The following FBXL13 variants were observed in gnomAD, a reference collection of about 807,000 sequenced individuals.
The protein encoded by FBXL13 is F-box and leucine-rich repeat protein 13.
In FBXL13, 67 loss-of-function variants were observed where a neutral mutation model predicts 83.6. The observed-to-expected ratio is 0.80, with a 90% CI of 0.66 to 0.98. FBXL13 has a LOEUF of 0.98. Ranked by LOEUF, FBXL13 falls within the 50% of genes least tolerant of loss-of-function variation. The pLI, the probability that FBXL13 is intolerant of heterozygous loss-of-function variation, is 0.00. For missense variants in FBXL13, 822 were observed against 866.5 expected (o/e 0.95, Z 0.64); for synonymous variants, 272 against 299.5 (o/e 0.91, Z 0.95).
intron 17 of FBXL13, among the ~76,000 whole-genome samples, chr7:102,836,290 T>TGGTCTAAGGCTAAAAA (rs1801965096): frequency 6.6e-6 from 1 of 152,248 alleles, no homozygotes; most frequent in African/African-American, 2.4e-5. Flanking sequence ...TCTAAGGCTT[T>TGGTCTAAGGCTAAAAA]ATGCTAAATC....
chr7:102,934,662 A>T, intron 8 of FBXL13: 1 of 1,598,162 alleles, frequency 6.3e-7, no homozygotes, highest in Middle Eastern at 1.7e-4. Context: ...TTTCCCATAC[A>T]AACACTGGAC....
chr7:102,826,294 G>T (rs1541519), intron 18 of FBXL13, among the ~76,000 whole-genome samples: 69,593 of 151,880 alleles, frequency 0.46, 17,836 homozygotes, highest in African/African-American at 0.7. Context: ...TTAATAACAG[G>T]TGGTTTCATG....
chr7:102,856,556 A>G (rs865969205), intron 16 of FBXL13, among the ~76,000 whole-genome samples: 1 of 152,198 alleles, frequency 6.6e-6, no homozygotes, highest in Non-Finnish European at 1.5e-5. Context: ...TATGCTTACT[A>G]CTTTATTCAA....
intron 10 of FBXL13, among the ~76,000 whole-genome samples, chr7:102,919,090 T>A (rs142115969): frequency 3.2e-4 from 48 of 152,328 alleles, no homozygotes; most frequent in African/African-American, 1.1e-3. Flanking sequence ...GAGTTGATTG[T>A]TAGCATCTCT....
At chr7:102,963,260 A>T (rs1436978927) in intron 8 of FBXL13, among the ~76,000 whole-genome samples, 1 of 151,568 alleles carries the variant, frequency 6.6e-6, no homozygotes, top group Non-Finnish European at 1.5e-5. Context: ...GCCGGAGGTT[A>T]CAGTGAGCCA....
At chr7:103,062,813 A>G (rs1392128518) in intron 1 of FBXL13, among the ~76,000 whole-genome samples, 1 of 152,248 alleles carries the variant, frequency 6.6e-6, no homozygotes, top group East Asian at 1.9e-4. Flanking sequence ...AAATGCTCAG[A>G]GAGCTCAGGA....
rs1343295656 is a variant in FBXL13 at position 102,831,969 on chromosome 7, AG to A, written c.1854+870del. On this transcript the variant is annotated intron_variant, in intron 18 of 19. Transcript: ENST00000313221. Reference sequence around the variant, plus strand: ...ATATGTCCATAGTATATTAAAAAGTAGGTTACAATGTATTTTGGAAAGTATG... The same window carrying A: ...ATATGTCCATAGTATATTAAAAAGTAGTTACAATGTATTTTGGAAAGTATG... 5.9e-5 allele frequency among the ~76,000 whole-genome samples: 9 copies of A among 152,346 alleles called. No homozygotes were observed. The East Asian group carries it at 1.3e-3, about 23-fold the overall frequency.
At chr7:102,821,962 T>TA (rs1798859923) in intron 19 of FBXL13, 78 bp downstream of exon 20, 1 of 1,445,328 alleles carries the variant, frequency 6.9e-7, no homozygotes, top group East Asian at 2.3e-5. Flanking sequence ...TGCTATGTAT[T>TA]ATGAACCTTA....
At chr7:102,820,591 G>A (rs1798665217) in intron 19 of FBXL13, among the ~76,000 whole-genome samples, 1 of 152,204 alleles carries the variant, frequency 6.6e-6, no homozygotes, top group South Asian at 2.1e-4. Context: ...ATACTTCAGT[G>A]TCCCATATGT....
intron 6 of FBXL13, among the ~76,000 whole-genome samples, chr7:103,015,465 T>C (rs1792178585): frequency 6.6e-6 from 1 of 152,196 alleles, no homozygotes; most frequent in East Asian, 1.9e-4. Flanking sequence ...AAAAGTTCTT[T>C]GATCTGACAA....
intron 6 of FBXL13, among the ~76,000 whole-genome samples, chr7:103,004,837 G>T (rs932804667): frequency 7.9e-5 from 12 of 152,176 alleles, no homozygotes; most frequent in African/African-American, 2.9e-4. Context: ...TAATCCTGGT[G>T]CTCATTTTCA....
intron 11 of FBXL13, among the ~76,000 whole-genome samples, chr7:102,890,018 GCT>G (rs1203541446): frequency 6.6e-6 from 1 of 151,554 alleles, no homozygotes; most frequent in East Asian, 1.9e-4. Context: ...GGGGGGTAGG[GCT>G]CTGAGAAGGA....
intron 6 of FBXL13, among the ~76,000 whole-genome samples, chr7:102,992,872 G>T (rs1277386360): frequency 6.6e-6 from 1 of 152,198 alleles, no homozygotes; most frequent in Non-Finnish European, 1.5e-5. Context: ...CTCCAAAAGT[G>T]CTGGGATTAC....
At chr7:102,942,936 A>C (rs899812783) in intron 8 of FBXL13, among the ~76,000 whole-genome samples, 2 of 152,196 alleles carry the variant, frequency 1.3e-5, no homozygotes, top group Non-Finnish European at 2.9e-5. Flanking sequence ...GTCCATATCA[A>C]CTGGAATACA....
intron 6 of FBXL13, among the ~76,000 whole-genome samples, chr7:103,007,730 T>C (rs1285017429): frequency 6.6e-6 from 1 of 152,164 alleles, no homozygotes; most frequent in Non-Finnish European, 1.5e-5. Flanking sequence ...GTTACCCTTT[T>C]CCTTTCTCCT....
At chr7:102,979,024 G>C (rs540573705) in intron 6 of FBXL13, among the ~76,000 whole-genome samples, 11 of 152,308 alleles carry the variant, frequency 7.2e-5, no homozygotes, top group African/African-American at 2.4e-4. Context: ...ATGATATAAA[G>C]ATAGGTAATT....
intron 6 of FBXL13, among the ~76,000 whole-genome samples, chr7:102,969,366 C>T (rs1390621336): frequency 1.3e-5 from 2 of 151,962 alleles, no homozygotes; most frequent in East Asian, 3.9e-4. Context: ...TGGATTATAC[C>T]ATCTAGGTTT....
At position 102,879,728 on chromosome 7, in the gene FBXL13, A is replaced by G. The variant is rs559104629; in HGVS notation, c.1389-1278T>C. Among the ~76,000 whole-genome samples, 3 of 152,116 alleles carry G rather than the reference A, an allele frequency of 2.0e-5. No individual in the cohort carries two copies. The East Asian group carries it at 5.8e-4, about 29-fold the overall frequency. On this transcript the variant is annotated intron_variant, in intron 14 of 19. Transcript: ENST00000313221. ...GTATGTTTGTTTGTTTGTTTTTGAG[A>G]CCAAGTCTCTCTCTGTCGCCCAGGC...
chr7:102,849,754 T>G (rs1804849753), intron 17 of FBXL13, among the ~76,000 whole-genome samples: 1 of 152,190 alleles, frequency 6.6e-6, no homozygotes, highest in African/African-American at 2.4e-5. Flanking sequence ...GGGGAAAGAT[T>G]ACCACATGCC....
Sources: gnomAD v4.1 joint callset for allele counts (sites outside exome capture counted in the v4.1 genomes callset) on GRCh38, gnomAD v4.1.1 for gene constraint, MANE v1.5 for transcripts, NCBI Gene and HGNC (gene_info 2026-07-23, HGNC 2026-07-21) for gene names.